Variants in GALNTL6 observed in about 807,000 individuals in gnomAD.
GALNTL6 encodes polypeptide N-acetylgalactosaminyltransferase like 6, also known as polypeptide N-acetylgalactosaminyltransferase-like 6.
In GALNTL6, 46 loss-of-function variants were observed where a neutral mutation model predicts 73.7. That is an observed-to-expected ratio of 0.62 (90% CI 0.49 to 0.80). The LOEUF is 0.80. Among genes scored for constraint, GALNTL6 ranks in the 30% least tolerant of loss-of-function variants. The probability of loss-of-function intolerance (pLI) is 0.00; values close to 1 mark genes in which losing one functional copy is unlikely to be tolerated. For synonymous variants in GALNTL6, 259 were observed against 263.7 expected, an observed-to-expected ratio of 0.98 and a Z score of 0.17; for missense variants, 604 against 755.0, an observed-to-expected ratio of 0.80 and a Z score of 2.34.
intron 2 of GALNTL6, among the ~76,000 whole-genome samples, chr4:172,107,224 T>G (rs1475466356): frequency 1.3e-5 from 2 of 152,200 alleles, no homozygotes; most frequent in Non-Finnish European, 1.5e-5. Flanking sequence ...TCTCAGGTCT[T>G]ATACAAATGA....
intron 2 of GALNTL6, among the ~76,000 whole-genome samples, chr4:171,832,182 A>G (rs996845460): frequency 2.5e-4 from 38 of 151,460 alleles, no homozygotes; most frequent in Admixed American, 1.3e-4. Context: ...ATTTTTTAAA[A>G]TAATGTGTTT....
chr4:172,693,213 G>A (rs1192625746), intron 5 of GALNTL6, among the ~76,000 whole-genome samples: 1 of 152,028 alleles, frequency 6.6e-6, no homozygotes, highest in Non-Finnish European at 1.5e-5. Context: ...AAAATATATA[G>A]AATTTCAGTC....
intron 12 of GALNTL6, among the ~76,000 whole-genome samples, chr4:173,032,375 C>A (rs1481622593): frequency 1.3e-5 from 2 of 151,118 alleles, no homozygotes; most frequent in Non-Finnish European, 2.9e-5. Flanking sequence ...GGCGTGAACC[C>A]GGGAGGCGGA....
intron 5 of GALNTL6, among the ~76,000 whole-genome samples, chr4:172,561,560 A>C (rs2110926691): frequency 6.6e-6 from 1 of 152,292 alleles, no homozygotes; most frequent in Admixed American, 6.5e-5. Context: ...ATACCACCCC[A>C]AGTCTTCTAG....
chr4:172,311,610 C>A lies in GALNTL6; in HGVS notation c.248-4C>A. 6.3e-7 allele frequency: 1 copy of A among 1,594,274 alleles called. No homozygotes were observed. Among genetic ancestry groups the A allele is most frequent in the Non-Finnish European group, 8.5e-7 (1 of 1,170,058 alleles). Reference sequence around the variant, plus strand: ...GATAATCTCATTTTGTTTTCTCCTGCTAGGGAAAGGTGAACATGGGAAACC... The same window carrying A: ...GATAATCTCATTTTGTTTTCTCCTGATAGGGAAAGGTGAACATGGGAAACC... On this transcript the variant is annotated splice_region_variant and splice_polypyrimidine_tract_variant and intron_variant, in intron 3 of 12. Transcript: ENST00000506823.
At chr4:172,143,945 T>C (rs2110744654) in intron 2 of GALNTL6, among the ~76,000 whole-genome samples, 1 of 152,278 alleles carries the variant, frequency 6.6e-6, no homozygotes, top group South Asian at 2.1e-4. Context: ...TTATCTGTTA[T>C]AAATAAATTT....
At chr4:171,869,985 T>A (rs6553596) in intron 2 of GALNTL6, among the ~76,000 whole-genome samples, 113,258 of 142,168 alleles carry the variant, frequency 0.8, 43,460 homozygotes, top group Admixed American at 0.86. Context: ...GACTAATACA[T>A]TTTTATCCCA....
At chr4:172,184,348 G>C (rs1735352593) in intron 2 of GALNTL6, among the ~76,000 whole-genome samples, 1 of 152,138 alleles carries the variant, frequency 6.6e-6, no homozygotes, top group Admixed American at 6.6e-5. Context: ...TTTGGGATAG[G>C]GGGAAACTGG....
At chr4:172,734,101 A>G (rs928734749) in intron 5 of GALNTL6, among the ~76,000 whole-genome samples, 1 of 152,208 alleles carries the variant, frequency 6.6e-6, no homozygotes, top group East Asian at 1.9e-4. Flanking sequence ...CACTCTTGCT[A>G]TGCAAAGATA....
At chr4:172,677,835 T>C (rs1450456723) in intron 5 of GALNTL6, among the ~76,000 whole-genome samples, 1 of 151,230 alleles carries the variant, frequency 6.6e-6, no homozygotes, top group African/African-American at 2.4e-5. Context: ...TGCAGGGAGA[T>C]TTTCTCAAAC....
chr4:172,694,302 A>G (rs189200311), intron 5 of GALNTL6, among the ~76,000 whole-genome samples: 163 of 152,002 alleles, frequency 1.1e-3, no homozygotes, highest in African/African-American at 3.5e-3. Context: ...CTTGCCCCCA[A>G]TACCCCAACA....
chr4:172,554,164 T>A (rs1736061568), intron 5 of GALNTL6, among the ~76,000 whole-genome samples: 1 of 152,202 alleles, frequency 6.6e-6, no homozygotes, highest in Non-Finnish European at 1.5e-5. Context: ...CAACTGTATA[T>A]TCTAACTGAC....
At chr4:172,914,408 T>A (rs562951151) in intron 8 of GALNTL6, among the ~76,000 whole-genome samples, 2 of 152,182 alleles carry the variant, frequency 1.3e-5, no homozygotes, top group Non-Finnish European at 1.5e-5. Context: ...ATATTAACCT[T>A]AAATGTAAAT....
intron 5 of GALNTL6, among the ~76,000 whole-genome samples, chr4:172,787,486 G>C (rs745818509): frequency 3.3e-5 from 5 of 152,154 alleles, no homozygotes; most frequent in African/African-American, 7.2e-5. Context: ...AATGCTAAAA[G>C]CTTTGAGAAA....
chr4:171,948,394 G>T (rs1407696395), intron 2 of GALNTL6, among the ~76,000 whole-genome samples: 1 of 152,130 alleles, frequency 6.6e-6, no homozygotes, highest in African/African-American at 2.4e-5. Context: ...AGTGGCTATG[G>T]CCCTGGGTGT....
intron 8 of GALNTL6, among the ~76,000 whole-genome samples, chr4:172,891,527 C>T (rs1746029971): frequency 1.3e-5 from 2 of 152,082 alleles, no homozygotes; most frequent in Admixed American, 1.3e-4. Flanking sequence ...ATGGGGTTCC[C>T]CTCATAAGTG....
intron 2 of GALNTL6, among the ~76,000 whole-genome samples, chr4:172,141,856 T>G (rs917336159): frequency 1.3e-5 from 2 of 149,974 alleles, no homozygotes; most frequent in Non-Finnish European, 1.5e-5. Context: ...CTATGACTGA[T>G]AGGACTAATG....
chr4:171,991,431 G>T (rs1380476404), intron 2 of GALNTL6, among the ~76,000 whole-genome samples: 4 of 151,958 alleles, frequency 2.6e-5, no homozygotes, highest in Admixed American at 1.3e-4. Context: ...TTAATTTGAA[G>T]TGTCGTTAAC....
intron 2 of GALNTL6, among the ~76,000 whole-genome samples, chr4:171,925,664 G>A (rs141031606): frequency 0.016 from 2,397 of 152,224 alleles, 68 homozygotes; most frequent in African/African-American, 0.055. Context: ...GGATTATGAT[G>A]AGGGAAAATC....
Sources: gnomAD v4.1 joint callset for allele counts (sites outside exome capture counted in the v4.1 genomes callset) on GRCh38, gnomAD v4.1.1 for gene constraint, MANE v1.5 for transcripts, NCBI Gene and HGNC (gene_info 2026-07-23, HGNC 2026-07-21) for gene names.